The following FCHO1 variants were observed in gnomAD, a reference collection of about 807,000 sequenced individuals.
The protein encoded by FCHO1 is FCH and mu domain containing endocytic adaptor 1, also known as F-BAR domain only protein 1.
FCHO1 carries 45 observed loss-of-function variants against 114.4 expected under a neutral mutation model. That is an observed-to-expected ratio of 0.39 (90% CI 0.31 to 0.50). The LOEUF (loss-of-function observed/expected upper bound fraction) is 0.50. Among genes scored for constraint, FCHO1 ranks in the 20% least tolerant of loss-of-function variants. The probability of loss-of-function intolerance (pLI) is 0.77; values close to 1 mark genes in which losing one functional copy is unlikely to be tolerated. For missense variants in FCHO1, 1,042 were observed against 1,209.6 expected, an observed-to-expected ratio of 0.86 and a Z score of 2.06; for synonymous variants, 480 against 488.9, an observed-to-expected ratio of 0.98 and a Z score of 0.24.
intron 20 of FCHO1, among the ~76,000 whole-genome samples, chr19:17,780,460 G>A (rs539195582): frequency 9.2e-5 from 14 of 152,118 alleles, no homozygotes; most frequent in African/African-American, 2.9e-4. Context: ...CACCGCACCC[G>A]GCCTGAGTAG....
intron 23 of FCHO1, 89 bp from the exon 24 acceptor site, chr19:17,782,928 C>T: frequency 1.4e-6 from 2 of 1,479,770 alleles, no homozygotes; most frequent in South Asian, 1.3e-5. Flanking sequence ...GTCTGGGGAG[C>T]CACAGGCACC....
Position 17,787,732 on chromosome 19 carries a change from C to T in FCHO1, c.2533C>T (p.Pro845Ser). The change falls in exon 28 of 29, where the codon CCC (proline) becomes TCC (serine). Residue 845 changes from proline (P) to serine (S), a missense_variant. Coordinates refer to ENST00000596536, the MANE Select transcript of FCHO1 (RefSeq NM_015122.3). ...SWEPLSGPST[P>S]SPVAAQFTSE... ...GGAGCCGCTCTCAGGGCCCAGCACACCCAGCCCCGTGGCTGCACAGTTCAC... is the reference window on the plus strand; with the variant it reads ...GGAGCCGCTCTCAGGGCCCAGCACATCCAGCCCCGTGGCTGCACAGTTCAC... 2 of 1,586,116 alleles carry T rather than the reference C, an allele frequency of 1.3e-6. No individual in the cohort carries two copies. The highest frequency in any genetic ancestry group is 1.2e-5 in the South Asian group (1 of 86,828).
chr19:17,774,963 C>T, intron 13 of FCHO1, 93 bp from the exon 14 acceptor site: 4 of 1,415,374 alleles, frequency 2.8e-6, no homozygotes, highest in Non-Finnish European at 4.0e-6. Flanking sequence ...AGTCTGGGAG[C>T]TGCCCCAGCT....
chr19:17,766,523 T>C (rs1255445191), intron 6 of FCHO1, 146 bp from the exon 7 acceptor site: 27 of 1,106,196 alleles, frequency 2.4e-5, no homozygotes, highest in Non-Finnish European at 7.6e-6. Flanking sequence ...GGCCCGCCTC[T>C]TACAGCTGCC....
chr19:17,760,208 G>A (rs539910457), intron 4 of FCHO1, among the ~76,000 whole-genome samples: 2 of 152,108 alleles, frequency 1.3e-5, no homozygotes, highest in South Asian at 2.1e-4. Flanking sequence ...GTGCCACCAC[G>A]CCTGGCTAAT....
chr19:17,753,388 T>G (rs1467068908), intron 1 of FCHO1, among the ~76,000 whole-genome samples: 1 of 152,180 alleles, frequency 6.6e-6, no homozygotes, highest in Non-Finnish European at 1.5e-5. Context: ...TGAACTCCTA[T>G]TCATGCTTTA....
rs758779899 is a variant in FCHO1, at chr19:17,776,008, G to C, written c.1029G>C (p.Ser343=). 6.2e-7 allele frequency: 1 copy of C among 1,608,612 alleles called. No homozygotes were observed. Among genetic ancestry groups the C allele is most frequent in the African/African-American group, 1.3e-5 (1 of 74,890 alleles). The part of the protein sequence containing the change: ...QNSTAEPSRF[S]SSDSDFDDEE... ...GCACGGCCGAGCCCTCCCGTTTCTCGTCCAGCGACTCCGACTTCGACGATG... is the reference window on the plus strand; with the variant it reads ...GCACGGCCGAGCCCTCCCGTTTCTCCTCCAGCGACTCCGACTTCGACGATG... The change falls in exon 16 of 29, where the codon TCG becomes TCC. Residue 343 remains serine, a synonymous_variant. Transcript: ENST00000596536. This position sits in a 1 kb window ranked among gnomAD's most constrained non-coding sequence, Gnocchi z 4.4.
chr19:17,766,138 C>T (rs905331451), intron 6 of FCHO1, among the ~76,000 whole-genome samples: 1 of 151,052 alleles, frequency 6.6e-6, no homozygotes, highest in Admixed American at 6.6e-5. Context: ...GATCTGCCCA[C>T]CTCAGCCTCC....
chr19:17,748,507 TG>T (rs71162188), upstream of FCHO1, among the ~76,000 whole-genome samples: 6,285 of 134,212 alleles, frequency 0.047, 236 homozygotes, highest in African/African-American at 0.11. Context: ...AGCCTGGACT[TG>T]GGGGGGGGGT....
chr19:17,750,822 C>CTTTTTTTTTTTTTT (rs1326515643), upstream of FCHO1, among the ~76,000 whole-genome samples: 5 of 143,788 alleles, frequency 3.5e-5, 1 homozygote, highest in Non-Finnish European at 3.0e-5. Flanking sequence ...CTTCCCCTTT[C>CTTTTTTTTTTTTTT]TTTTCTTTTT....
chr19:17,749,353 A>G (rs1379364105), upstream of FCHO1, among the ~76,000 whole-genome samples: 1 of 152,120 alleles, frequency 6.6e-6, no homozygotes, highest in Non-Finnish European at 1.5e-5. Flanking sequence ...CTCTGGGAAG[A>G]TGGGAGGAGT....
chr19:17,771,234 A>G (rs1209080006), intron 9 of FCHO1, among the ~76,000 whole-genome samples: 1 of 151,902 alleles, frequency 6.6e-6, no homozygotes, highest in East Asian at 1.9e-4. Context: ...GTTAGGTGAT[A>G]GAGTGGAACC....
rs374143451 is a variant in FCHO1 at position 17,776,700 on chromosome 19, G to A, written c.1259+14G>A. 6.6e-5 allele frequency: 107 copies of A among 1,613,286 alleles called. No individual in the cohort carries two copies. Among genetic ancestry groups the A allele is most frequent in the Admixed American group, 2.7e-4 (16 of 60,000 alleles). On this transcript the variant is annotated intron_variant, in intron 18 of 28. Transcript: ENST00000596536. The surrounding 1 kb of genome is among the most constrained non-coding windows in gnomAD (Gnocchi z 4.4). Reference sequence around the variant, plus strand: ...CAGAACCAGCAGGTGGGTTCCACACGAGTGGGCAGGTGGGGGCTGTCCCCA... The same window carrying A: ...CAGAACCAGCAGGTGGGTTCCACACAAGTGGGCAGGTGGGGGCTGTCCCCA...
chr19:17,774,253 G>C lies in FCHO1; in HGVS notation c.805G>C (p.Glu269Gln), dbSNP rs770875917. The change falls in exon 12 of 29, where the codon GAG (glutamate) becomes CAG (glutamine). Residue 269 changes from glutamate to glutamine, a missense_variant. Physicochemically the swap from Glu to Gln is conservative, Grantham distance 29. Coordinates refer to ENST00000596536, the MANE Select transcript of FCHO1 (RefSeq NM_015122.3). ...TCCTGTCTCAGGACCTCTGGACTTC[G>C]AGGCATACAGTGCGGCTGCCCTGCA... ...GREKPGPLDF[E>Q]AYSAAALQEA... 1 of 1,614,026 alleles carries C rather than the reference G, an allele frequency of 6.2e-7. No homozygotes were observed. Among genetic ancestry groups the C allele is most frequent in the Non-Finnish European group, 8.5e-7 (1 of 1,179,998 alleles).
intron 7 of FCHO1, among the ~76,000 whole-genome samples, chr19:17,768,982 C>CT (rs1252478622): frequency 4.3e-5 from 5 of 115,886 alleles, no homozygotes; most frequent in African/African-American, 1.8e-4. Context: ...GACCCCATCT[C>CT]TTAAAAAAAA....
intron 9 of FCHO1, 78 bp downstream of exon 9, chr19:17,770,974 C>T (rs954861204): frequency 1.8e-5 from 24 of 1,314,026 alleles, no homozygotes; most frequent in Non-Finnish European, 2.4e-5. Context: ...AAATCCCAGG[C>T]AGGGTGTGGT....
chr19:17,778,050 A>AT, intron 18 of FCHO1, 87 bp from the exon 19 acceptor site: 2 of 915,730 alleles, frequency 2.2e-6, no homozygotes, highest in Non-Finnish European at 3.4e-6. Context: ...AAAAAAAAAA[A>AT]GACTGGGAAC....
At chr19:17,758,930 T>G (rs1213182480) in intron 4 of FCHO1, 1 of 152,140 alleles carries the variant, frequency 6.6e-6, no homozygotes, top group Non-Finnish European at 1.5e-5. Flanking sequence ...GCCATGATTG[T>G]GCCGCTGCAC....
chr19:17,783,128 A>G lies in FCHO1; in HGVS notation c.2049A>G (p.Thr683=), dbSNP rs1355408800. 6.2e-7 allele frequency: 1 copy of G among 1,613,566 alleles called. No homozygotes were observed. The highest frequency in any genetic ancestry group is 8.5e-7 in the Non-Finnish European group (1 of 1,179,610). ...PPVLSFRLVH[T]TAIEHFQPNA... The stretch of plus-strand genomic sequence containing the variant: ...TCCTCAGCTTCCGGCTTGTACACAC[A>G]ACCGCTATTGAGCACTTCCAGCCCA... Residue 683 remains threonine, a synonymous_variant, in exon 24 of 29, where the codon ACA becomes ACG. Coordinates refer to ENST00000596536, the MANE Select transcript of FCHO1 (RefSeq NM_015122.3).
Sources: allele counts gnomAD v4.1 joint callset (sites outside exome capture counted in the v4.1 genomes callset), GRCh38; gene constraint gnomAD v4.1.1; non-coding constraint Gnocchi (gnomAD v3.1); transcripts MANE v1.5; gene names NCBI Gene and HGNC (gene_info 2026-07-23, HGNC 2026-07-21).